Variants in TRPC7 observed in about 807,000 individuals in gnomAD.
TRPC7 encodes transient receptor potential cation channel subfamily C member 7.
A neutral mutation model predicts 90.1 loss-of-function variants in TRPC7; 42 were observed. The observed-to-expected ratio is 0.47, with a 90% CI of 0.36 to 0.60. The LOEUF (loss-of-function observed/expected upper bound fraction) is 0.60. TRPC7 is among the 20% of genes least tolerant of loss of function. TRPC7 has a pLI of 0.00. For missense variants in TRPC7, 955 were observed against 1,112.3 expected, an observed-to-expected ratio of 0.86 and a Z score of 2.01; for synonymous variants, 451 against 436.3, an observed-to-expected ratio of 1.03 and a Z score of -0.42.
intron 11 of TRPC7, 126 bp downstream of exon 11, chr5:136,216,074 C>T: frequency 1.3e-6 from 1 of 748,370 alleles, no homozygotes; most frequent in Non-Finnish European, 2.3e-6. Context: ...AGCAAGGAGA[C>T]TGAGCCTCCC....
chr5:136,343,750 A>G (rs1488481172), intron 2 of TRPC7, among the ~76,000 whole-genome samples: 2 of 152,214 alleles, frequency 1.3e-5, no homozygotes, highest in South Asian at 4.1e-4. Context: ...GGTGATGGAA[A>G]AGGCATTACT....
At chr5:136,242,723 C>T (rs191438881) in intron 7 of TRPC7, among the ~76,000 whole-genome samples, 73 of 152,278 alleles carry the variant, frequency 4.8e-4, no homozygotes, top group African/African-American at 1.6e-3. Flanking sequence ...TGATCCTAGA[C>T]CATCTGTACC....
intron 1 of TRPC7, among the ~76,000 whole-genome samples, chr5:136,361,533 G>A (rs925903245): frequency 3.3e-5 from 5 of 152,318 alleles, no homozygotes; most frequent in South Asian, 2.1e-4. Context: ...AGCTGCAGAT[G>A]AGCATGGCCA....
At chr5:136,214,847 G>A (rs539353600) in intron 11 of TRPC7, among the ~76,000 whole-genome samples, 152 of 152,316 alleles carry the variant, frequency 1.0e-3, no homozygotes, top group African/African-American at 3.4e-3. Context: ...CATGGATGAG[G>A]CTGTTTCTAG....
At chr5:136,304,031 C>A (rs563828656) in intron 3 of TRPC7, among the ~76,000 whole-genome samples, 69 of 151,878 alleles carry the variant, frequency 4.5e-4, no homozygotes, top group Middle Eastern at 3.4e-3. Flanking sequence ...CTTTTAAGCA[C>A]TCCTTTTTAG....
At chr5:136,286,019 C>A (rs918565711) in intron 3 of TRPC7, among the ~76,000 whole-genome samples, 5 of 152,284 alleles carry the variant, frequency 3.3e-5, no homozygotes, top group Non-Finnish European at 2.9e-5. Context: ...AGAACATAAG[C>A]TTTATAAGAT....
At chr5:136,245,062 C>A (rs1163323083) in intron 7 of TRPC7, among the ~76,000 whole-genome samples, 2 of 152,206 alleles carry the variant, frequency 1.3e-5, no homozygotes, top group Non-Finnish European at 2.9e-5. Flanking sequence ...TACAACAATC[C>A]TGTGAAGTTG....
chr5:136,301,390 C>A (rs530338959), intron 3 of TRPC7, among the ~76,000 whole-genome samples: 6,155 of 137,988 alleles, frequency 0.045, 203 homozygotes, highest in Middle Eastern at 0.071. Context: ...GCCTCTGAAC[C>A]CAAGCCAAGC....
intron 1 of TRPC7, among the ~76,000 whole-genome samples, chr5:136,359,681 T>G (rs1402089920): frequency 6.6e-6 from 1 of 152,058 alleles, no homozygotes; most frequent in South Asian, 2.1e-4. Context: ...AGAAAGTTAC[T>G]GAGTCGAAAG....
Position 136,251,762 on chromosome 5 carries a change from C to T in TRPC7, c.1466G>A (p.Arg489His). Residue 489 changes from arginine (R) to histidine (H), a missense_variant, in exon 6 of 12, where the codon CGC becomes CAC. Physicochemically the swap from Arg to His is conservative, Grantham distance 29. This residue lies in a region of TRPC7 where 484 missense variants were observed against 509.6 expected (regional missense o/e 0.95). Transcript: ENST00000513104. ...LSIFVASFTA[R>H]FMAFLKATEA... The stretch of plus-strand genomic sequence containing the variant: ...CGTGGCCTTCAGGAAGGCCATGAAG[C>T]GTGCTGTGAAGGAGGCCACGAAGAT... 1.9e-6 allele frequency: 3 copies of T among 1,613,904 alleles called. No individual in the cohort carries two copies. The highest frequency in any genetic ancestry group is 1.7e-5 in the Admixed American group (1 of 60,022).
intron 3 of TRPC7, among the ~76,000 whole-genome samples, chr5:136,303,313 T>C (rs1758471774): frequency 6.6e-6 from 1 of 152,150 alleles, no homozygotes; most frequent in Non-Finnish European, 1.5e-5. Flanking sequence ...TCAAAATACA[T>C]TTTATTACCC....
intron 3 of TRPC7, among the ~76,000 whole-genome samples, chr5:136,292,875 C>T (rs545098649): frequency 3.2e-4 from 48 of 152,314 alleles, no homozygotes; most frequent in African/African-American, 1.0e-3. Context: ...CCTTGATGAA[C>T]ATTGATGCAA....
At chr5:136,343,473 G>A (rs1759907312) in intron 2 of TRPC7, among the ~76,000 whole-genome samples, 1 of 152,140 alleles carries the variant, frequency 6.6e-6, no homozygotes, top group Admixed American at 6.6e-5. Context: ...CCTATTCCTT[G>A]GGGGAAGGAA....
intron 6 of TRPC7, among the ~76,000 whole-genome samples, chr5:136,251,272 A>G (rs1298135002): frequency 6.6e-6 from 1 of 152,216 alleles, no homozygotes; most frequent in African/African-American, 2.4e-5. Context: ...TATAGAAGGA[A>G]AATTCTTCCG....
At position 136,356,881 on chromosome 5, in the gene TRPC7, G is replaced by A. The variant is rs1189630067; in HGVS notation, c.507C>T (p.Ile169=). The A allele has an allele frequency of 2.5e-6, 4 of 1,613,840 alleles. No homozygotes were observed. In the Admixed American group the frequency reaches 5.0e-5, roughly 20 times the overall value. ...TRFSHDITPI[I]LAAHCQEYEI... ...CATACTCCTGGCAGTGCGCCGCCAGGATGATGGGCGTGATGTCGTGGGAGA... is the reference window on the plus strand; with the variant it reads ...CATACTCCTGGCAGTGCGCCGCCAGAATGATGGGCGTGATGTCGTGGGAGA... Residue 169 remains isoleucine, a synonymous_variant, in exon 2 of 12, where the codon ATC becomes ATT. Coordinates refer to ENST00000513104, the MANE Select transcript of TRPC7 (RefSeq NM_020389.3).
At position 136,305,071 on chromosome 5, in the gene TRPC7, C is replaced by A. The variant is rs562457472; in HGVS notation, c.963+10526G>T. Among the ~76,000 whole-genome samples the A allele has an allele frequency of 2.2e-3, 327 of 150,534 alleles. 1 individual carries two copies. The highest frequency in any genetic ancestry group is 7.6e-3 in the African/African-American group (308 of 40,730). On this transcript the variant is annotated intron_variant, in intron 3 of 11. Coordinates refer to ENST00000513104, the MANE Select transcript of TRPC7 (RefSeq NM_020389.3). ...AATCTGTTTTCTTCCTCATACCTGA[C>A]GCATATACTTTCTGCTCCCCGGCTC...
chr5:136,300,346 T>G (rs1758333493), intron 3 of TRPC7, among the ~76,000 whole-genome samples: 1 of 152,172 alleles, frequency 6.6e-6, no homozygotes, highest in Non-Finnish European at 1.5e-5. Context: ...CTCAGGCTCA[T>G]GTGTGGTGGG....
chr5:136,238,381 G>C (rs1580849861), intron 7 of TRPC7, among the ~76,000 whole-genome samples: 1 of 152,142 alleles, frequency 6.6e-6, no homozygotes, highest in Non-Finnish European at 1.5e-5. Context: ...CTTGTAGCTG[G>C]GGGGAGGGGT....
intron 1 of TRPC7, among the ~76,000 whole-genome samples, chr5:136,359,975 A>T (rs1760518310): frequency 6.6e-6 from 1 of 152,140 alleles, no homozygotes; most frequent in Non-Finnish European, 1.5e-5. Flanking sequence ...TCAGATACGA[A>T]ACAGCAGCTG....
Sources: gnomAD v4.1 joint callset for allele counts (sites outside exome capture counted in the v4.1 genomes callset) on GRCh38, gnomAD v4.1.1 for gene constraint, gnomAD v4.1.1 regional missense constraint, MANE v1.5 for transcripts, NCBI Gene and HGNC (gene_info 2026-07-23, HGNC 2026-07-21) for gene names.